Variants in CMSS1 observed in about 807,000 individuals in gnomAD.
CMSS1 encodes the protein cms1 ribosomal small subunit homolog, also known as protein CMSS1.
Under a neutral mutation model 43.5 loss-of-function variants are expected in CMSS1, and 33 were observed. The observed-to-expected ratio is 0.76, with a 90% CI of 0.57 to 1.01. The LOEUF (loss-of-function observed/expected upper bound fraction) is 1.01, where lower values mean the gene tolerates loss of function less well. CMSS1 is among the 50% of genes least tolerant of loss of function. The pLI, the probability that CMSS1 is intolerant of heterozygous loss-of-function variation, is 0.00. For synonymous variants in CMSS1, 115 were observed against 117.2 expected, an observed-to-expected ratio of 0.98 and a Z score of 0.12; for missense variants, 313 against 326.4, an observed-to-expected ratio of 0.96 and a Z score of 0.32.
intron 1 of CMSS1, among the ~76,000 whole-genome samples, chr3:99,956,707 C>T (rs1178133473): frequency 6.6e-6 from 1 of 152,222 alleles, no homozygotes; most frequent in Admixed American, 6.5e-5. Context: ...TCAAATACCC[C>T]CTTCCCTTCT....
chr3:100,164,777 TA>T (rs1342391307), intron 4 of CMSS1, among the ~76,000 whole-genome samples: 1 of 152,096 alleles, frequency 6.6e-6, no homozygotes, highest in Admixed American at 6.6e-5. Flanking sequence ...TATACACATA[TA>T]AGGTAGATAT....
chr3:100,139,004 A>G (rs552854975), intron 1 of CMSS1, among the ~76,000 whole-genome samples: 1 of 152,344 alleles, frequency 6.6e-6, no homozygotes, highest in African/African-American at 2.4e-5. Context: ...ATGGAATACT[A>G]CGCAACCACA....
rs147888316 is a variant in CMSS1, at chr3:99,975,517, G to C, written c.64+157474G>C. Among the ~76,000 whole-genome samples, 917 of 152,028 alleles carry C rather than the reference G, an allele frequency of 6.0e-3. 9 individuals are homozygous for C. Among genetic ancestry groups the C allele is most frequent in the African/African-American group, 0.021 (864 of 41,438 alleles). On this transcript the variant is annotated intron_variant, in intron 1 of 9. Transcript: ENST00000421999. ...TGAGGCAGGAGAATTGCTTGAACCCGGGAGGCAGACGTTGCAGTGAGCCGA... is the reference window on the plus strand; with the variant it reads ...TGAGGCAGGAGAATTGCTTGAACCCCGGAGGCAGACGTTGCAGTGAGCCGA...
At chr3:100,082,550 G>C (rs1473346928) in intron 1 of CMSS1, among the ~76,000 whole-genome samples, 1 of 152,212 alleles carries the variant, frequency 6.6e-6, no homozygotes, top group Non-Finnish European at 1.5e-5. Context: ...AGTGAGGAAT[G>C]AGCCAGCTTT....
At chr3:99,909,630 A>ATAC (rs1210850864) in intron 1 of CMSS1, among the ~76,000 whole-genome samples, 2 of 152,186 alleles carry the variant, frequency 1.3e-5, no homozygotes, top group Admixed American at 1.3e-4. Context: ...AGAAATAATA[A>ATAC]TACTGCTAAT....
At chr3:100,099,929 CAGTGTTATA>C (rs2066275939) in intron 1 of CMSS1, among the ~76,000 whole-genome samples, 3 of 152,082 alleles carry the variant, frequency 2.0e-5, no homozygotes, top group African/African-American at 7.2e-5. Context: ...TCTGAAGCCA[CAGTGTTATA>C]AAGATCATCC....
chr3:99,983,464 G>A (rs9879664), intron 1 of CMSS1, among the ~76,000 whole-genome samples: 829 of 12,216 alleles, frequency 0.068, 21 homozygotes, highest in South Asian at 0.088. Context: ...ATATATGTGT[G>A]TATATATATA....
chr3:100,150,208 A>G (rs189093158), intron 2 of CMSS1, among the ~76,000 whole-genome samples: 7 of 152,294 alleles, frequency 4.6e-5, no homozygotes, highest in African/African-American at 1.7e-4. Context: ...TTGAGTCTCC[A>G]GCTGGTTCGT....
chr3:99,843,387 AAAAAG>A (rs1943217835), intron 1 of CMSS1, among the ~76,000 whole-genome samples: 1 of 152,132 alleles, frequency 6.6e-6, no homozygotes, highest in Non-Finnish European at 1.5e-5. Flanking sequence ...CCTTTTAAAT[AAAAAG>A]AAAACTTGGA....
chr3:100,027,602 A>G (rs1420072566), intron 1 of CMSS1, among the ~76,000 whole-genome samples: 3 of 152,144 alleles, frequency 2.0e-5, no homozygotes, highest in Non-Finnish European at 4.4e-5. Context: ...CTCAACTTCG[A>G]TACATGCTTA....
At chr3:100,129,080 A>G (rs990634117) in intron 1 of CMSS1, among the ~76,000 whole-genome samples, 1 of 151,606 alleles carries the variant, frequency 6.6e-6, no homozygotes, top group Non-Finnish European at 1.5e-5. Context: ...GCTTCCCTTT[A>G]TATTACCCCC....
At chr3:99,837,212 C>T (rs1298725051) in intron 1 of CMSS1, among the ~76,000 whole-genome samples, 1 of 152,146 alleles carries the variant, frequency 6.6e-6, no homozygotes, top group Non-Finnish European at 1.5e-5. Context: ...ATGATCCGTA[C>T]TCACTGATTC....
chr3:100,176,487 G>A lies in CMSS1; in HGVS notation c.756+72G>A. 4.2e-6 allele frequency: 4 copies of A among 956,648 alleles called. 1 individual carries two copies. The South Asian group carries it at 4.3e-5, about 10-fold the overall frequency. The allele number at this position is 956,648 out of a possible 1,614,324, so 59.3% of individuals were successfully genotyped here. A position where few individuals can be genotyped will look rare whatever the true frequency, so the allele number is the denominator to read the frequency against. On this transcript the variant is annotated intron_variant, in intron 9 of 9. Coordinates refer to ENST00000421999, the MANE Select transcript of CMSS1 (RefSeq NM_032359.4). ...AACTTGGTTCAAACACAGTAATAAA[G>A]TCTTTGACATGAGGAGCCAGCACAT...
In CMSS1 at chr3:99,843,653, A is replaced by G. The variant is rs147206806; in HGVS notation, c.64+25610A>G. On this transcript the variant is annotated intron_variant, in intron 1 of 9. Coordinates refer to ENST00000421999, the MANE Select transcript of CMSS1 (RefSeq NM_032359.4). ...CATGGCTTTGCCTAGCCCACCTTAA[A>G]CATGCTCAGAGAACACTTACATAAA... Among the ~76,000 whole-genome samples the G allele has an allele frequency of 4.5e-3, 682 of 152,312 alleles. 6 individuals carry two copies. The highest frequency in any genetic ancestry group is 0.016 in the African/African-American group (668 of 41,562).
At chr3:99,840,084 A>G (rs1013327328) in intron 1 of CMSS1, among the ~76,000 whole-genome samples, 5 of 152,184 alleles carry the variant, frequency 3.3e-5, no homozygotes, top group African/African-American at 7.2e-5. Context: ...CCTAAACATT[A>G]TACAGTGCAT....
chr3:99,851,525 T>G (rs1943695920), intron 1 of CMSS1, among the ~76,000 whole-genome samples: 1 of 152,372 alleles, frequency 6.6e-6, no homozygotes, highest in African/African-American at 2.4e-5. Flanking sequence ...GGCAATAATT[T>G]TATTTACTTC....
chr3:100,020,143 T>A (rs2064781902), intron 1 of CMSS1, among the ~76,000 whole-genome samples: 2 of 152,242 alleles, frequency 1.3e-5, no homozygotes, highest in Non-Finnish European at 1.5e-5. Context: ...AAGTGGCATT[T>A]AATGTCTTCA....
At chr3:100,018,433 G>T (rs945470874) in intron 1 of CMSS1, among the ~76,000 whole-genome samples, 6 of 152,142 alleles carry the variant, frequency 3.9e-5, no homozygotes, top group African/African-American at 1.4e-4. Flanking sequence ...AGGTGCACTG[G>T]AGTTGAGAGG....
rs568142400 is a variant in CMSS1 at position 99,919,624 on chromosome 3, A to C, written c.64+101581A>C. 6.0e-4 allele frequency among the ~76,000 whole-genome samples: 92 copies of C among 152,092 alleles called. No individual in the cohort carries two copies. The Middle Eastern group carries it at 0.01, about 17-fold the overall frequency. On this transcript the variant is annotated intron_variant, in intron 1 of 9. Coordinates refer to ENST00000421999, the MANE Select transcript of CMSS1 (RefSeq NM_032359.4). ...AAGAAAATTTGATGTTTTTGAGAGA[A>C]GCCTTTAAAAGTGGTCTGATTTACT...
Sources: allele counts gnomAD v4.1 joint callset (sites outside exome capture counted in the v4.1 genomes callset), GRCh38; gene constraint gnomAD v4.1.1; transcripts MANE v1.5; gene names NCBI Gene and HGNC (gene_info 2026-07-23, HGNC 2026-07-21).